TLL2: variants seen among roughly 807,000 people sequenced by gnomAD.
The protein encoded by TLL2 is tolloid-like protein 2.
TLL2 carries 106 observed loss-of-function variants against 123.0 expected under a neutral mutation model. The ratio of observed to expected loss-of-function variants is 0.86; its 90% CI spans 0.74 to 1.01. TLL2 has a LOEUF of 1.01. Among genes scored for constraint, TLL2 ranks in the 50% least tolerant of loss-of-function variants. The pLI is 0.00. For synonymous variants in TLL2, 494 were observed against 516.8 expected (o/e 0.96, Z 0.60); for missense variants, 1,332 against 1,336.7 (o/e 1.00, Z 0.06).
At chr10:96,470,552 C>G (rs1277364197) in intron 2 of TLL2, among the ~76,000 whole-genome samples, 1 of 152,180 alleles carries the variant, frequency 6.6e-6, no homozygotes, top group African/African-American at 2.4e-5. Context: ...ATCCTGTGCA[C>G]CCCCAGCACC....
intron 17 of TLL2, 108 bp downstream of exon 17, chr10:96,378,859 G>T (rs1846160435): frequency 7.0e-7 from 1 of 1,438,730 alleles, no homozygotes; most frequent in Admixed American, 1.8e-5. Context: ...CAGCTCAGAA[G>T]GTGGAAGAGG....
At chr10:96,477,892 C>T (rs1353419173) in intron 2 of TLL2, among the ~76,000 whole-genome samples, 1 of 152,194 alleles carries the variant, frequency 6.6e-6, no homozygotes, top group Non-Finnish European at 1.5e-5. Context: ...CTCCTCTCTG[C>T]TGATGTTGGC....
chr10:96,373,776 C>T lies in TLL2; in HGVS notation c.2482G>A (p.Glu828Lys). ...FNEFEIEQHQ[E>K]CAYDHLEMYD... ...ATTTCCAGGTGGTCATAGGCACATT[C>T]CTGGTGCTGCTCGATCTCAAACTCA... is the stretch of plus-strand genomic sequence containing the variant. The change falls in exon 19 of 21, where the codon GAA (glutamate) becomes AAA (lysine). Residue 828 changes from glutamate to lysine, a missense_variant. By Grantham distance (56) the Glu-to-Lys change is moderately conservative. Coordinates refer to ENST00000357947, the MANE Select transcript of TLL2 (RefSeq NM_012465.4). 1 of 1,614,160 alleles carries T rather than the reference C, an allele frequency of 6.2e-7. No homozygotes were observed. The highest frequency in any genetic ancestry group is 8.5e-7 in the Non-Finnish European group (1 of 1,180,050).
chr10:96,443,570 C>A (rs1462058245), intron 3 of TLL2, among the ~76,000 whole-genome samples: 3 of 152,228 alleles, frequency 2.0e-5, no homozygotes, highest in Non-Finnish European at 4.4e-5. Context: ...TGAACCCAGT[C>A]AACCCCCAGA....
At chr10:96,411,800 G>A (rs1296284299) in intron 8 of TLL2, among the ~76,000 whole-genome samples, 1 of 152,130 alleles carries the variant, frequency 6.6e-6, no homozygotes, top group Non-Finnish European at 1.5e-5. Flanking sequence ...ACATTTTTTG[G>A]AGCTGCAGGA....
chr10:96,454,923 T>C (rs1031066438), intron 2 of TLL2, among the ~76,000 whole-genome samples: 2 of 152,158 alleles, frequency 1.3e-5, no homozygotes, highest in Non-Finnish European at 2.9e-5. Flanking sequence ...TCAAAGCAGA[T>C]TTAACAAAAC....
chr10:96,429,010 G>A (rs1027142899), intron 4 of TLL2, among the ~76,000 whole-genome samples: 3 of 152,006 alleles, frequency 2.0e-5, no homozygotes, highest in African/African-American at 7.3e-5. Context: ...CTCCATGTTG[G>A]TCAGGCTAGT....
Position 96,376,710 on chromosome 10 carries a change from T to C in TLL2, c.2430A>G (p.Ala810=). 6.2e-7 allele frequency: 1 copy of C among 1,610,100 alleles called. No individual in the cohort carries two copies. The highest frequency in any genetic ancestry group is 1.1e-5 in the South Asian group (1 of 90,660). ...RECTWNISST[A]GHRVKLTFNE... ...GACTCACGAGTTTCACTCTGTGGCC[T>C]GCAGTCGAAGAGATGTTCCAGGTAC... The change falls in exon 18 of 21, where the codon GCA becomes GCG. Residue 810 remains alanine, a synonymous_variant. Coordinates refer to ENST00000357947, the MANE Select transcript of TLL2 (RefSeq NM_012465.4).
chr10:96,395,200 G>C lies in TLL2; in HGVS notation c.1713C>G (p.Ala571=). Residue 571 remains alanine (A), a synonymous_variant, in exon 13 of 21, where the codon GCC becomes GCG. Coordinates refer to ENST00000357947, the MANE Select transcript of TLL2 (RefSeq NM_012465.4). Reference sequence around the variant, plus strand: ...GCTAATTCATACCCTTGAAAAAATTGGCTGCAAAGCCCGCTTTATTGATAG... The same window carrying C: ...GCTAATTCATACCCTTGAAAAAATTCGCTGCAAAGCCCGCTTTATTGATAG... The part of the protein sequence containing the change: ...DGSINKAGFA[A]NFFKEVDECS... 2.5e-6 allele frequency: 4 copies of C among 1,601,928 alleles called. No individual in the cohort carries two copies. The highest frequency in any genetic ancestry group is 3.4e-6 in the Non-Finnish European group (4 of 1,175,146).
chr10:96,474,800 G>T (rs761881288), intron 2 of TLL2, among the ~76,000 whole-genome samples: 1 of 152,138 alleles, frequency 6.6e-6, no homozygotes, highest in Admixed American at 6.5e-5. Context: ...AAGTCTGAAG[G>T]CCAGGTGTTG....
intron 2 of TLL2, among the ~76,000 whole-genome samples, chr10:96,458,229 G>T (rs903152868): frequency 2.0e-5 from 3 of 152,122 alleles, no homozygotes; most frequent in Non-Finnish European, 4.4e-5. Context: ...GGGAGGAGAT[G>T]AAGGGAAAGC....
chr10:96,513,259 C>A (rs1237569974), intron 1 of TLL2, among the ~76,000 whole-genome samples: 1 of 152,204 alleles, frequency 6.6e-6, no homozygotes, highest in African/African-American at 2.4e-5. Context: ...GCCTCTGGCA[C>A]CCGCTCTGAT....
chr10:96,381,946 C>T (rs1156939500), intron 16 of TLL2, among the ~76,000 whole-genome samples: 1 of 152,180 alleles, frequency 6.6e-6, no homozygotes, highest in Non-Finnish European at 1.5e-5. Flanking sequence ...ATAAAGATAA[C>T]CAAAGTACAG....
intron 7 of TLL2, among the ~76,000 whole-genome samples, chr10:96,416,443 A>G (rs1477296627): frequency 1.3e-5 from 2 of 152,174 alleles, no homozygotes; most frequent in Non-Finnish European, 2.9e-5. Context: ...GTCAGGTGCC[A>G]TTATCACAAG....
chr10:96,375,121 T>C (rs1846125902), intron 18 of TLL2, among the ~76,000 whole-genome samples: 1 of 151,834 alleles, frequency 6.6e-6, no homozygotes, highest in Non-Finnish European at 1.5e-5. Context: ...GCCAGTGACA[T>C]AGGGAGCACT....
Position 96,509,050 on chromosome 10 carries a change from G to A in TLL2, c.175+4461C>T, listed in dbSNP as rs369671952. Among the ~76,000 whole-genome samples, 4 of 152,170 alleles carry A rather than the reference G, an allele frequency of 2.6e-5. No individual in the cohort carries two copies. The South Asian group carries it at 8.3e-4, about 32-fold the overall frequency. On this transcript the variant is annotated intron_variant, in intron 1 of 20. Transcript: ENST00000357947. Reference sequence around the variant, plus strand: ...ACTTAGAATCCAGCTGCCATGCTTCGAGGACACCCACATAGAGAGACCACA... The same window carrying A: ...ACTTAGAATCCAGCTGCCATGCTTCAAGGACACCCACATAGAGAGACCACA...
At chr10:96,489,927 C>G (rs983076031) in intron 1 of TLL2, among the ~76,000 whole-genome samples, 13 of 151,994 alleles carry the variant, frequency 8.6e-5, no homozygotes, top group African/African-American at 2.7e-4. Flanking sequence ...TGACACCTGT[C>G]TCTACTAAAA....
chr10:96,429,252 G>A (rs947456777), intron 4 of TLL2, among the ~76,000 whole-genome samples: 1 of 152,076 alleles, frequency 6.6e-6, no homozygotes, highest in African/African-American at 2.4e-5. Context: ...AAGCATGGGT[G>A]GTGATGGATG....
chr10:96,396,007 TC>T lies in TLL2; in HGVS notation c.1397del (p.Gly466GlufsTer3), dbSNP rs1261395235. ...FFAAYEATCG[G>X]DMNKDAGQIQ... ...TCTGACCGGCATCTTTGTTCATGTC[TC>T]CCCCGCAGGTAGCTTTAGAAAGAGA... On this transcript the variant is annotated frameshift_variant, in exon 12 of 21. Transcript: ENST00000357947. LOFTEE classifies it high-confidence loss of function. 3 of 1,613,692 alleles carry T rather than the reference TC, an allele frequency of 1.9e-6. No individual in the cohort carries two copies. The African/African-American group carries it at 4.0e-5, about 22-fold the overall frequency.
Sources: gnomAD v4.1 joint callset for allele counts (sites outside exome capture counted in the v4.1 genomes callset) on GRCh38, gnomAD v4.1.1 for gene constraint, MANE v1.5 for transcripts, NCBI Gene and HGNC (gene_info 2026-07-23, HGNC 2026-07-21) for gene names.